Variants in PCSK6 observed in about 807,000 individuals in gnomAD.
PCSK6 encodes paired basic amino acid cleaving enzyme 4.
A neutral mutation model predicts 123.3 loss-of-function variants in PCSK6; 85 were observed. That is an observed-to-expected ratio of 0.69 (90% CI 0.58 to 0.83). The LOEUF (loss-of-function observed/expected upper bound fraction) is 0.83. Ranked by LOEUF, PCSK6 falls within the 40% of genes least tolerant of loss-of-function variation. The probability of loss-of-function intolerance (pLI) is 0.00; values close to 1 mark genes in which losing one functional copy is unlikely to be tolerated. For synonymous variants in PCSK6, 508 were observed against 516.0 expected (o/e 0.98, Z 0.21); for missense variants, 1,191 against 1,282.3 (o/e 0.93, Z 1.09).
chr15:101,436,798 A>C (rs1031760651), intron 2 of PCSK6, among the ~76,000 whole-genome samples: 1 of 152,122 alleles, frequency 6.6e-6, no homozygotes, highest in African/African-American at 2.4e-5. Context: ...TGCTCTGAGC[A>C]CCTCGCTGGG....
At chr15:101,361,168 T>C (rs568841721) in intron 13 of PCSK6, among the ~76,000 whole-genome samples, 3 of 150,352 alleles carry the variant, frequency 2.0e-5, no homozygotes, top group Admixed American at 6.7e-5. Flanking sequence ...CTCTCTCTTT[T>C]TTTTTTTTTT....
chr15:101,481,921 G>A (rs1483226895), intron 1 of PCSK6, among the ~76,000 whole-genome samples: 1 of 152,232 alleles, frequency 6.6e-6, no homozygotes, highest in Admixed American at 6.5e-5. Context: ...TTCCAATGCT[G>A]ATGAGCAGGA....
intron 6 of PCSK6, among the ~76,000 whole-genome samples, chr15:101,399,057 C>T (rs2042509260): frequency 6.6e-6 from 1 of 152,158 alleles, no homozygotes; most frequent in Non-Finnish European, 1.5e-5. Context: ...CACATACCAC[C>T]ATGCCTGGCT....
At chr15:101,348,570 A>G (rs2040805524) in intron 13 of PCSK6, among the ~76,000 whole-genome samples, 1 of 152,212 alleles carries the variant, frequency 6.6e-6, no homozygotes, top group Non-Finnish European at 1.5e-5. Context: ...AAGGAAGCTC[A>G]ATATCAAGAA....
At chr15:101,354,081 T>C (rs2040971639) in intron 13 of PCSK6, among the ~76,000 whole-genome samples, 1 of 152,164 alleles carries the variant, frequency 6.6e-6, no homozygotes, top group Non-Finnish European at 1.5e-5. Context: ...TGGTGGAAGA[T>C]GGATCTGAGA....
At chr15:101,400,880 A>C (rs1160318134) in intron 6 of PCSK6, among the ~76,000 whole-genome samples, 1 of 152,220 alleles carries the variant, frequency 6.6e-6, no homozygotes, top group Non-Finnish European at 1.5e-5. Flanking sequence ...CCATCCATTC[A>C]TTCTACCCAG....
chr15:101,422,643 C>T lies in PCSK6; in HGVS notation c.823+5249G>A, dbSNP rs550201160. ...CGAAACTTTTTTTTTTTTTTTGAGACGGAGTCTCGCTCTGTCGCCCAGGCT... is the reference window on the plus strand; with the variant it reads ...CGAAACTTTTTTTTTTTTTTTGAGATGGAGTCTCGCTCTGTCGCCCAGGCT... On this transcript the variant is annotated intron_variant, in intron 6 of 21. Coordinates refer to ENST00000611716, the MANE Select transcript of PCSK6 (RefSeq NM_002570.5). Among the ~76,000 whole-genome samples, 15 of 149,528 alleles carry T rather than the reference C, an allele frequency of 1.0e-4. No homozygotes were observed. In the South Asian group the frequency reaches 2.1e-3, roughly 21 times the overall value.
At position 101,481,668 on chromosome 15, in the gene PCSK6, G is replaced by C. The variant is rs141070389; in HGVS notation, c.297+7706C>G. Among the ~76,000 whole-genome samples, 857 of 152,308 alleles carry C rather than the reference G, an allele frequency of 5.6e-3. 4 individuals carry two copies. Among genetic ancestry groups the C allele is most frequent in the Admixed American group, 0.012 (182 of 15,306 alleles). On this transcript the variant is annotated intron_variant, in intron 1 of 21. Transcript: ENST00000611716. ...GTGAGACAGGCTTGGGGGAGCACGG[G>C]AGCAGGAGGAGGCGATGGTGACCTC...
At chr15:101,388,622 G>C (rs1278771066) in intron 9 of PCSK6, among the ~76,000 whole-genome samples, 1 of 152,200 alleles carries the variant, frequency 6.6e-6, no homozygotes. Context: ...GCAGGCCTTG[G>C]ACTCTGGCCC....
At chr15:101,342,242 C>T (rs1338631287) in intron 13 of PCSK6, among the ~76,000 whole-genome samples, 4 of 150,908 alleles carry the variant, frequency 2.7e-5, no homozygotes, top group Non-Finnish European at 5.9e-5. Context: ...ACCATTACAG[C>T]ACAAATGAGG....
chr15:101,339,654 C>T (rs187344760), intron 13 of PCSK6, among the ~76,000 whole-genome samples: 2 of 152,060 alleles, frequency 1.3e-5, no homozygotes, highest in African/African-American at 4.8e-5. Flanking sequence ...CGCTTGTGAT[C>T]GCAGAGCTTT....
chr15:101,445,935 G>T (rs1383989480), intron 1 of PCSK6, among the ~76,000 whole-genome samples: 4 of 152,198 alleles, frequency 2.6e-5, no homozygotes, highest in Non-Finnish European at 5.9e-5. Context: ...CCCCTCAAAG[G>T]CCAGTCCCAA....
At chr15:101,394,914 G>T (rs1267385591) in intron 7 of PCSK6, among the ~76,000 whole-genome samples, 1 of 152,216 alleles carries the variant, frequency 6.6e-6, no homozygotes, top group African/African-American at 2.4e-5. Flanking sequence ...ACCTGTCGGG[G>T]TGGCCAAGAG....
intron 1 of PCSK6, among the ~76,000 whole-genome samples, chr15:101,462,192 A>G (rs1596360381): frequency 6.6e-6 from 1 of 152,376 alleles, no homozygotes; most frequent in African/African-American, 2.4e-5. Flanking sequence ...ACGTCTATAT[A>G]CTAGCAACAA....
intron 1 of PCSK6, among the ~76,000 whole-genome samples, chr15:101,465,508 G>T (rs1256763449): frequency 6.6e-6 from 1 of 152,168 alleles, no homozygotes; most frequent in Non-Finnish European, 1.5e-5. Flanking sequence ...CTCCACTCTG[G>T]CTCTGAGCTG....
At chr15:101,431,233 C>T (rs994531432) in intron 4 of PCSK6, 87 bp downstream of exon 4, 53 of 1,390,476 alleles carry the variant, frequency 3.8e-5, no homozygotes, top group African/African-American at 4.2e-5. Flanking sequence ...TGGGGGAGAT[C>T]GGGACCTTAC....
chr15:101,454,327 G>A (rs1354289465), intron 1 of PCSK6, among the ~76,000 whole-genome samples: 11 of 152,184 alleles, frequency 7.2e-5, no homozygotes, highest in Admixed American at 6.5e-4. Context: ...GCATACCCGT[G>A]TTCACAGCAG....
chr15:101,325,910 G>A (rs778052495), intron 16 of PCSK6, among the ~76,000 whole-genome samples: 21 of 152,210 alleles, frequency 1.4e-4, no homozygotes, highest in Non-Finnish European at 2.6e-4. Context: ...CTCTGGGGAG[G>A]TGCCAGGAGA....
intron 6 of PCSK6, among the ~76,000 whole-genome samples, chr15:101,402,673 C>G (rs1373199973): frequency 6.6e-6 from 1 of 152,190 alleles, no homozygotes; most frequent in Non-Finnish European, 1.5e-5. Context: ...TGAAAAAATG[C>G]TCATCATCAC....
Sources: gnomAD v4.1 joint callset for allele counts (sites outside exome capture counted in the v4.1 genomes callset) on GRCh38, gnomAD v4.1.1 for gene constraint, MANE v1.5 for transcripts, NCBI Gene and HGNC (gene_info 2026-07-23, HGNC 2026-07-21) for gene names.